JARID2: variants seen among roughly 807,000 people sequenced by gnomAD.
JARID2 encodes protein Jumonji.
A neutral mutation model predicts 125.6 loss-of-function variants in JARID2; 21 were observed. The observed-to-expected ratio is 0.17, with a 90% CI of 0.12 to 0.24. The LOEUF (loss-of-function observed/expected upper bound fraction) is 0.24, where lower values mean the gene tolerates loss of function less well. Ranked by LOEUF, JARID2 falls within the 10% of genes least tolerant of loss-of-function variation. JARID2 has a pLI of 1.00. For synonymous variants in JARID2, 736 were observed against 661.6 expected, an observed-to-expected ratio of 1.11 and a Z score of -1.73; for missense variants, 1,303 against 1,639.6, an observed-to-expected ratio of 0.79 and a Z score of 3.55.
chr6:15,367,794 C>T (rs950395052), intron 1 of JARID2, among the ~76,000 whole-genome samples: 2 of 152,234 alleles, frequency 1.3e-5, no homozygotes, highest in African/African-American at 4.8e-5. Flanking sequence ...CACTGCCCAA[C>T]TCCTGCTTCC....
At chr6:15,330,329 C>G (rs926002531) in intron 1 of JARID2, among the ~76,000 whole-genome samples, 1 of 152,114 alleles carries the variant, frequency 6.6e-6, no homozygotes, top group Admixed American at 6.6e-5. Flanking sequence ...TAAGCCTGCG[C>G]ACTCATTAAT....
rs370989384 is a variant in JARID2 at position 15,407,075 on chromosome 6, C to G, written c.182-3149C>G. Reference sequence around the variant, plus strand: ...CAGGAGTTTGAGACCAGCTTGGCAACAAAGCAAGACCCCATGTATAAAAAA... The same window carrying G: ...CAGGAGTTTGAGACCAGCTTGGCAAGAAAGCAAGACCCCATGTATAAAAAA... On this transcript the variant is annotated intron_variant, in intron 2 of 17. Transcript: ENST00000341776. 3.2e-4 allele frequency among the ~76,000 whole-genome samples: 49 copies of G among 151,516 alleles called. No homozygotes were observed. In the East Asian group the frequency reaches 6.0e-3, roughly 19 times the overall value.
chr6:15,517,010 C>T (rs1771593364), intron 16 of JARID2, 151 bp from the exon 17 acceptor site: 1 of 619,112 alleles, frequency 1.6e-6, no homozygotes, highest in African/African-American at 1.8e-5. Context: ...TTCCAGTCCT[C>T]AAAGCCCTTG....
At chr6:15,247,278 A>G (rs1276271583) in intron 1 of JARID2, among the ~76,000 whole-genome samples, 1 of 152,256 alleles carries the variant, frequency 6.6e-6, no homozygotes, top group African/African-American at 2.4e-5. Flanking sequence ...AAGTAACTAC[A>G]AATAATTTCT....
intron 2 of JARID2, among the ~76,000 whole-genome samples, chr6:15,388,618 CTATAA>C (rs1295360590): frequency 3.4e-5 from 5 of 148,392 alleles, no homozygotes; most frequent in Middle Eastern, 3.6e-3. Flanking sequence ...CTACAACAAA[CTATAA>C]TATAAAATAT....
In JARID2 at chr6:15,467,738, G is replaced by GC. The variant is rs113826258; in HGVS notation, c.494-801dup. Among the ~76,000 whole-genome samples, 1,100 of 152,206 alleles carry GC rather than the reference G, an allele frequency of 7.2e-3. 13 individuals carry two copies. The highest frequency in any genetic ancestry group is 0.025 in the African/African-American group (1,046 of 41,522). On this transcript the variant is annotated intron_variant, in intron 4 of 17. Transcript: ENST00000341776. ...GTAGCTCCAGCTACAGGATTGCTTGGCCCAGTAAAGGGTGCAGTGAGCTGT... is the reference window on the plus strand; with the variant it reads ...GTAGCTCCAGCTACAGGATTGCTTGGCCCCAGTAAAGGGTGCAGTGAGCTGT...
chr6:15,271,942 G>A (rs1760313621), intron 1 of JARID2, among the ~76,000 whole-genome samples: 1 of 152,224 alleles, frequency 6.6e-6, no homozygotes, highest in African/African-American at 2.4e-5. Flanking sequence ...AGAGGTTGCA[G>A]TGAGCTGAGA....
chr6:15,459,084 T>A (rs1768327027), intron 4 of JARID2, among the ~76,000 whole-genome samples: 1 of 152,224 alleles, frequency 6.6e-6, no homozygotes, highest in Non-Finnish European at 1.5e-5. Flanking sequence ...ATTTAAATAT[T>A]TCTCAGCCTG....
At position 15,407,772 on chromosome 6, in the gene JARID2, C is replaced by T. The variant is rs183187486; in HGVS notation, c.182-2452C>T. On this transcript the variant is annotated intron_variant, in intron 2 of 17. Transcript: ENST00000341776. ...ATTATCCTCTCCATCACATTCTTTT[C>T]TTCACTTACTACTGAGTGATGCATA... Among the ~76,000 whole-genome samples, 65 of 152,294 alleles carry T rather than the reference C, an allele frequency of 4.3e-4. 1 individual carries two copies. Among genetic ancestry groups the T allele is most frequent in the East Asian group, 5.8e-4 (3 of 5,182 alleles).
chr6:15,261,463 G>A (rs1346146237), intron 1 of JARID2, among the ~76,000 whole-genome samples: 1 of 151,922 alleles, frequency 6.6e-6, no homozygotes, highest in Non-Finnish European at 1.5e-5. Context: ...GACTACAGGC[G>A]TGCGCCACGA....
At position 15,494,436 on chromosome 6, in the gene JARID2, G is replaced by A. The variant is rs1464579742; in HGVS notation, c.907-1696G>A. ...GTCTTTTTTTTTTTTTTTTTTTTGA[G>A]ACAAGAGTCTCGCCCAGGCTGGAGT... On this transcript the variant is annotated intron_variant, in intron 6 of 17. Transcript: ENST00000341776. Among the ~76,000 whole-genome samples, 6 of 8,658 alleles carry A rather than the reference G, an allele frequency of 6.9e-4. No individual in the cohort carries two copies. In the East Asian group the frequency reaches 0.018, roughly 26 times the overall value. The allele number at this position is 8,658 out of a possible 152,430, so 5.7% of individuals were successfully genotyped here.
intron 2 of JARID2, among the ~76,000 whole-genome samples, chr6:15,376,906 G>A (rs1764376874): frequency 6.6e-6 from 1 of 152,136 alleles, no homozygotes; most frequent in African/African-American, 2.4e-5. Flanking sequence ...AAGACTTTAG[G>A]GCTGGTGAGG....
At chr6:15,503,362 C>T (rs1328030778) in intron 8 of JARID2, among the ~76,000 whole-genome samples, 1 of 152,222 alleles carries the variant, frequency 6.6e-6, no homozygotes, top group Non-Finnish European at 1.5e-5. Context: ...TAGTTAGAAC[C>T]CCATCTAGTT....
At chr6:15,431,520 T>G (rs961294837) in intron 3 of JARID2, among the ~76,000 whole-genome samples, 2 of 152,218 alleles carry the variant, frequency 1.3e-5, no homozygotes, top group Admixed American at 6.5e-5. Flanking sequence ...GCCTTCTGTG[T>G]TGCTGTTACC....
intron 1 of JARID2, among the ~76,000 whole-genome samples, chr6:15,338,331 A>G (rs1166167404): frequency 6.6e-6 from 1 of 152,128 alleles, no homozygotes; most frequent in Non-Finnish European, 1.5e-5. Flanking sequence ...TGTGTCCTAA[A>G]CCATTGGGAC....
chr6:15,468,140 T>C (rs182366692), intron 4 of JARID2, among the ~76,000 whole-genome samples: 1 of 151,164 alleles, frequency 6.6e-6, no homozygotes, highest in African/African-American at 2.4e-5. Context: ...TGAAATGTTA[T>C]ATTCTGTTTT....
intron 1 of JARID2, among the ~76,000 whole-genome samples, chr6:15,368,379 C>T (rs1764050132): frequency 6.6e-6 from 1 of 152,148 alleles, no homozygotes; most frequent in African/African-American, 2.4e-5. Flanking sequence ...CTTTTACTTA[C>T]TTCCTCCCCA....
chr6:15,330,572 G>A (rs966817830), intron 1 of JARID2, among the ~76,000 whole-genome samples: 8 of 152,176 alleles, frequency 5.3e-5, no homozygotes, highest in Non-Finnish European at 1.0e-4. Flanking sequence ...AGTGCCTGGT[G>A]TTTATTAAAG....
At chr6:15,312,221 AT>A (rs1416098528) in intron 1 of JARID2, among the ~76,000 whole-genome samples, 1 of 151,738 alleles carries the variant, frequency 6.6e-6, no homozygotes, top group African/African-American at 2.4e-5. Context: ...CGCCTGGCTA[AT>A]TTTTGTATTT....
Sources: gnomAD v4.1 joint callset for allele counts (sites outside exome capture counted in the v4.1 genomes callset) on GRCh38, gnomAD v4.1.1 for gene constraint, MANE v1.5 for transcripts, NCBI Gene and HGNC (gene_info 2026-07-23, HGNC 2026-07-21) for gene names.